Variants in VRK2 observed in about 807,000 individuals in gnomAD.
VRK2 encodes VRK serine/threonine kinase 2, also known as serine/threonine-protein kinase VRK2.
In VRK2, 60 loss-of-function variants were observed where a neutral mutation model predicts 57.6. The ratio of observed to expected loss-of-function variants is 1.04; its 90% CI spans 0.85 to 1.29. VRK2 has a LOEUF of 1.29. Among genes scored for constraint, VRK2 ranks in the 50% most tolerant of loss-of-function variants. VRK2 has a pLI of 0.00. For synonymous variants in VRK2, 231 were observed against 199.2 expected (o/e 1.16, Z -1.35); for missense variants, 705 against 588.1 (o/e 1.20, Z -2.06).
In VRK2 at chr2:58,119,665, C is replaced by T. The variant is rs552848168; in HGVS notation, c.544-3436C>T. Among the ~76,000 whole-genome samples, 21 of 151,430 alleles carry T rather than the reference C, an allele frequency of 1.4e-4. No homozygotes were observed. In the East Asian group the frequency reaches 4.1e-3, roughly 29 times the overall value. ...TCATTCCTAGATCTCTTTGGTAGTG[C>T]CCCATAATCTATATTTTAAAAATAT... On this transcript the variant is annotated intron_variant, in intron 7 of 12. Coordinates refer to ENST00000340157, the MANE Select transcript of VRK2 (RefSeq NM_006296.7).
chr2:58,103,997 A>T (rs1347760991), intron 7 of VRK2, among the ~76,000 whole-genome samples: 1 of 151,826 alleles, frequency 6.6e-6, no homozygotes, highest in Non-Finnish European at 1.5e-5. Context: ...TACATGCAGA[A>T]AAAAAGCATG....
Position 57,923,875 on chromosome 2 carries a change from T to C in VRK2, c.-439+16036T>C, listed in dbSNP as rs369675149. ...AGTTTCAGTTCTTAGATTTAAGTCT[T>C]TAATTCATTTTTATTTGATTTTTGT... is the stretch of plus-strand genomic sequence containing the variant. On this transcript the variant is annotated intron_variant, in intron 1 of 15. Coordinates refer to the VRK2 transcript ENST00000417641. Among the ~76,000 whole-genome samples, 11 of 152,172 alleles carry C rather than the reference T, an allele frequency of 7.2e-5. No individual in the cohort carries two copies. The South Asian group carries it at 1.0e-3, about 14-fold the overall frequency.
At chr2:58,150,414 C>T (rs971739899) in intron 12 of VRK2, among the ~76,000 whole-genome samples, 3 of 150,880 alleles carry the variant, frequency 2.0e-5, no homozygotes, top group Non-Finnish European at 4.5e-5. Flanking sequence ...CTTTATTTTC[C>T]CTTTATCATC....
At chr2:58,062,540 C>A (rs1257271948) in intron 2 of VRK2, among the ~76,000 whole-genome samples, 1 of 152,030 alleles carries the variant, frequency 6.6e-6, no homozygotes, top group Non-Finnish European at 1.5e-5. Context: ...AGGAAAAGTT[C>A]TTAAAAGAAA....
At chr2:58,100,260 C>T (rs1049746705) in intron 7 of VRK2, among the ~76,000 whole-genome samples, 18 of 151,912 alleles carry the variant, frequency 1.2e-4, no homozygotes, top group African/African-American at 4.3e-4. Context: ...GGAATGTGCA[C>T]ATAATATGGT....
chr2:57,922,389 G>A (rs1043993011), intron 1 of VRK2, among the ~76,000 whole-genome samples: 1 of 151,276 alleles, frequency 6.6e-6, no homozygotes, highest in Non-Finnish European at 1.5e-5. Context: ...TTAAATATAT[G>A]TATATGTTGT....
rs201406382 is a variant in VRK2, at chr2:58,131,831, G to A, written c.700G>A (p.Glu234Lys). Residue 234 changes from glutamate to lysine, a missense_variant, in exon 9 of 13, where the codon GAG becomes AAG. Transcript: ENST00000340157. ...AGCCTTGTCCAGACGAAGTGACGTT[G>A]AGATCCTCGGCTACTGCATGCTGCG... ...GVALSRRSDV[E>K]ILGYCMLRWL... The A allele has an allele frequency of 1.0e-4, 161 of 1,613,372 alleles. No individual in the cohort carries two copies. Among genetic ancestry groups the A allele is most frequent in the Non-Finnish European group, 1.3e-4 (159 of 1,179,738 alleles).
chr2:58,153,478 T>G (rs951131678), intron 12 of VRK2, among the ~76,000 whole-genome samples: 1 of 152,094 alleles, frequency 6.6e-6, no homozygotes, highest in Non-Finnish European at 1.5e-5. Flanking sequence ...GATCATGTGA[T>G]TTTTCTTCTT....
chr2:57,933,668 T>TC (rs200136310), intron 1 of VRK2, among the ~76,000 whole-genome samples: 16 of 151,536 alleles, frequency 1.1e-4, no homozygotes, highest in African/African-American at 2.9e-4. Flanking sequence ...GGGTTGTTTT[T>TC]TTTTTCTTAT....
chr2:58,082,735 T>A (rs1671067020), intron 2 of VRK2, among the ~76,000 whole-genome samples: 1 of 151,902 alleles, frequency 6.6e-6, no homozygotes. Context: ...GGCGAAAAGA[T>A]AATTTTAAGT....
At chr2:57,908,555 A>G (rs1669896694) in intron 1 of VRK2, among the ~76,000 whole-genome samples, 1 of 152,172 alleles carries the variant, frequency 6.6e-6, no homozygotes. Context: ...TTCTGAATGT[A>G]TAACCAATCC....
chr2:58,116,785 A>G (rs1475492070), intron 7 of VRK2, among the ~76,000 whole-genome samples: 3 of 152,126 alleles, frequency 2.0e-5, no homozygotes, highest in African/African-American at 4.8e-5. Flanking sequence ...CCGATTTCCC[A>G]TGGGGTCCCG....
intron 1 of VRK2, among the ~76,000 whole-genome samples, chr2:58,019,526 T>A (rs1203793092): frequency 1.3e-5 from 2 of 152,192 alleles, no homozygotes; most frequent in South Asian, 4.1e-4. Context: ...TGTAACTTGA[T>A]CCATCTTTGA....
chr2:58,157,588 T>C (rs1362205286), intron 12 of VRK2, among the ~76,000 whole-genome samples: 1 of 152,212 alleles, frequency 6.6e-6, no homozygotes, highest in Non-Finnish European at 1.5e-5. Context: ...AAGTGGGGTG[T>C]GCAGACCAGC....
intron 12 of VRK2, among the ~76,000 whole-genome samples, chr2:58,156,589 TTTTG>T (rs1683904240): frequency 8.7e-6 from 1 of 115,194 alleles, no homozygotes; most frequent in African/African-American, 8.2e-5. Context: ...GTTTTTTTTG[TTTTG>T]TTTTGTTTTG....
At chr2:57,923,278 G>C (rs1670415293) in intron 1 of VRK2, among the ~76,000 whole-genome samples, 1 of 151,802 alleles carries the variant, frequency 6.6e-6, no homozygotes, top group African/African-American at 2.4e-5. Flanking sequence ...TCTATTTTTA[G>C]CTCCATTTTT....
At chr2:58,153,302 C>A (rs1683327218) in intron 12 of VRK2, among the ~76,000 whole-genome samples, 1 of 151,956 alleles carries the variant, frequency 6.6e-6, no homozygotes. Flanking sequence ...CATTTGGTTT[C>A]TTTCCAGTTT....
At chr2:58,121,083 TC>T (rs1189587557) in intron 7 of VRK2, among the ~76,000 whole-genome samples, 3 of 152,220 alleles carry the variant, frequency 2.0e-5, no homozygotes, top group Admixed American at 2.0e-4. Context: ...TGCCATAGAT[TC>T]CTGACTTCAT....
intron 1 of VRK2, among the ~76,000 whole-genome samples, chr2:57,986,476 A>C (rs1256836251): frequency 6.6e-6 from 1 of 152,206 alleles, no homozygotes; most frequent in African/African-American, 2.4e-5. Flanking sequence ...ACAATTTTGA[A>C]AAAAGAATAA....
Sources: gnomAD v4.1 joint callset for allele counts (sites outside exome capture counted in the v4.1 genomes callset) on GRCh38, gnomAD v4.1.1 for gene constraint, MANE v1.5 for transcripts, NCBI Gene and HGNC (gene_info 2026-07-23, HGNC 2026-07-21) for gene names.